Variants in SCPEP1 observed in about 807,000 individuals in gnomAD.
SCPEP1 encodes the protein retinoid-inducible serine carboxypeptidase.
Under a neutral mutation model 63.8 loss-of-function variants are expected in SCPEP1, and 51 were observed. That is an observed-to-expected ratio of 0.80 (90% confidence interval 0.64 to 1.01). The LOEUF (loss-of-function observed/expected upper bound fraction) is 1.01, where lower values mean the gene tolerates loss of function less well. Among genes scored for constraint, SCPEP1 ranks in the 50% least tolerant of loss-of-function variants. The pLI, the probability that SCPEP1 is intolerant of heterozygous loss-of-function variation, is 0.00. For synonymous variants in SCPEP1, 204 were observed against 207.8 expected, an observed-to-expected ratio of 0.98 and a Z score of 0.16; for missense variants, 499 against 554.9, an observed-to-expected ratio of 0.90 and a Z score of 1.01.
intron 10 of SCPEP1, among the ~76,000 whole-genome samples, chr17:57,000,064 C>T (rs888069797): frequency 6.6e-6 from 1 of 151,526 alleles, no homozygotes; most frequent in Non-Finnish European, 1.5e-5. Context: ...GTGGGAGGAT[C>T]GCTTAAGCCT....
intron 6 of SCPEP1, among the ~76,000 whole-genome samples, chr17:56,991,611 A>G (rs1337397342): frequency 6.6e-6 from 1 of 152,190 alleles, no homozygotes; most frequent in South Asian, 2.1e-4. Flanking sequence ...TGGCAAGACA[A>G]GGTTATCGTC....
chr17:56,998,878 C>G (rs1378032693), intron 10 of SCPEP1, among the ~76,000 whole-genome samples: 1 of 152,052 alleles, frequency 6.6e-6, no homozygotes, highest in Non-Finnish European at 1.5e-5. Context: ...TGCTTGAACC[C>G]AGGAGTTTGA....
intron 12 of SCPEP1, 122 bp downstream of exon 12, chr17:57,002,303 G>A (rs1429468162): frequency 2.2e-6 from 2 of 901,836 alleles, no homozygotes; most frequent in African/African-American, 3.4e-5. Context: ...CCGAGGGCCA[G>A]GTACAGTGGC....
At chr17:56,993,487 A>G (rs993793382) in intron 6 of SCPEP1, among the ~76,000 whole-genome samples, 6 of 152,248 alleles carry the variant, frequency 3.9e-5, no homozygotes, top group Admixed American at 3.9e-4. Flanking sequence ...CTTGTTGCCC[A>G]GACTGGAGTG....
rs763809496 is a variant in SCPEP1, at chr17:56,991,176, G to A, written c.619+5G>A. On this transcript the variant is annotated splice_donor_5th_base_variant and intron_variant, in intron 6 of 12. Transcript: ENST00000262288. ...ATTCCTGGATCTCCCCTGTTGGTAA[G>A]TGTGGCATTTTCAGGCATTTTTTCA... 1.8e-5 allele frequency: 29 copies of A among 1,612,908 alleles called. 1 individual carries two copies. In the South Asian group the frequency reaches 2.7e-4, roughly 15 times the overall value.
At chr17:56,988,463 T>C (rs1369387603) in intron 5 of SCPEP1, among the ~76,000 whole-genome samples, 173 bp downstream of exon 5, 1 of 152,192 alleles carries the variant, frequency 6.6e-6, no homozygotes, top group East Asian at 1.9e-4. Context: ...AAGATTGCCC[T>C]GCTAGATCTG....
intron 6 of SCPEP1, among the ~76,000 whole-genome samples, chr17:56,993,504 C>A (rs1911458613): frequency 6.6e-6 from 1 of 152,206 alleles, no homozygotes; most frequent in African/African-American, 2.4e-5. Flanking sequence ...AGTGCAGTGG[C>A]ACGATCTCGG....
At chr17:56,995,706 G>T (rs1911529231) in intron 8 of SCPEP1, 71 bp downstream of exon 8, 2 of 1,513,788 alleles carry the variant, frequency 1.3e-6, no homozygotes, top group Non-Finnish European at 1.8e-6. Flanking sequence ...CATGGTTGGT[G>T]TTGTCAAACT....
intron 7 of SCPEP1, chr17:56,995,306 C>T (rs1911511875): frequency 1.7e-6 from 1 of 591,454 alleles, no homozygotes; most frequent in Admixed American, 3.3e-5. Flanking sequence ...GTTGAAAGAT[C>T]ACGGTGAATA....
intron 10 of SCPEP1, 68 bp downstream of exon 10, chr17:56,998,566 A>C: frequency 3.3e-6 from 4 of 1,221,752 alleles, no homozygotes; most frequent in Non-Finnish European, 4.8e-6. Flanking sequence ...AAATTCAGAG[A>C]CCTGAATTTG....
chr17:56,985,139 C>A (rs112718278), intron 2 of SCPEP1: 148 of 538,352 alleles, frequency 2.7e-4, no homozygotes, highest in African/African-American at 2.5e-3. Context: ...AATCAGGAGT[C>A]AGGAACATTC....
At position 56,996,957 on chromosome 17, in the gene SCPEP1, T is replaced by C; in HGVS notation, c.787-5T>C. The C allele has an allele frequency of 6.3e-7, 1 of 1,590,758 alleles. No homozygotes were observed. The highest frequency in any genetic ancestry group is 1.1e-5 in the South Asian group (1 of 87,410). ...CAAACAGCCAAATAAACTTTTATAT[T>C]TCAGAACACAGATGGGGTGAACTTC... On this transcript the variant is annotated splice_region_variant and splice_polypyrimidine_tract_variant and intron_variant, in intron 8 of 12. Coordinates refer to ENST00000262288, the MANE Select transcript of SCPEP1 (RefSeq NM_021626.3).
At chr17:56,991,078 G>C (rs774218807) in intron 5 of SCPEP1, 21 bp from the exon 6 acceptor site, 2 of 1,604,146 alleles carry the variant, frequency 1.2e-6, no homozygotes, top group Admixed American at 1.7e-5. Flanking sequence ...GCCTGAGGAC[G>C]TTTCTTGTTT....
At chr17:56,995,074 G>C in intron 7 of SCPEP1, 56 bp downstream of exon 7, 1 of 1,477,060 alleles carries the variant, frequency 6.8e-7, no homozygotes. Context: ...ATCTCTTCTG[G>C]CTGTGACCCC....
At chr17:56,995,842 C>A in intron 8 of SCPEP1, 1 of 312,912 alleles carries the variant, frequency 3.2e-6, no homozygotes. Context: ...GCCTGCAAGA[C>A]TTGCTTGTCC....
intron 6 of SCPEP1, 41 bp downstream of exon 6, chr17:56,991,212 G>T (rs750505853): frequency 1.1e-5 from 16 of 1,461,148 alleles, no homozygotes; most frequent in Non-Finnish European, 1.4e-5. Context: ...CTCCCCTTTT[G>T]CCCATCCTTT....
intron 10 of SCPEP1, among the ~76,000 whole-genome samples, chr17:56,999,283 CT>C (rs1911668529): frequency 6.6e-6 from 1 of 152,130 alleles, no homozygotes; most frequent in African/African-American, 2.4e-5. Context: ...CATCCTGATG[CT>C]GGATATGGCC....
Position 57,006,766 on chromosome 17 carries a change from T to C in SCPEP1, c.*531T>C, listed in dbSNP as rs1445686967. 8 of 152,364 alleles carry C rather than the reference T, an allele frequency of 5.3e-5. No individual in the cohort carries two copies. The Middle Eastern group carries it at 0.01, about 194-fold the overall frequency. The allele number at this position is 152,364 out of a possible 1,614,324, so 9.4% of individuals were successfully genotyped here. On this transcript the variant is annotated 3_prime_UTR_variant, in exon 13 of 13. Transcript: ENST00000262288. ...AATAAATGTTCTTCTCTAACATTTTTAATGGCTGTGGAGCATTCTACTTTA... is the reference window on the plus strand; with the variant it reads ...AATAAATGTTCTTCTCTAACATTTTCAATGGCTGTGGAGCATTCTACTTTA...
chr17:56,991,360 T>G (rs1295813123), intron 6 of SCPEP1, among the ~76,000 whole-genome samples, 189 bp downstream of exon 6: 5 of 151,870 alleles, frequency 3.3e-5, no homozygotes. Context: ...CTGAACTGAG[T>G]TTTCTTAATT....
Sources: gnomAD v4.1 joint callset for allele counts (sites outside exome capture counted in the v4.1 genomes callset) on GRCh38, gnomAD v4.1.1 for gene constraint, MANE v1.5 for transcripts, NCBI Gene and HGNC (gene_info 2026-07-23, HGNC 2026-07-21) for gene names.